The following IQGAP1 variants were observed in gnomAD, a reference collection of about 807,000 sequenced individuals.
IQGAP1 encodes ras GTPase-activating-like protein IQGAP1.
A neutral mutation model predicts 215.6 loss-of-function variants in IQGAP1; 66 were observed. The observed-to-expected ratio is 0.31, with a 90% CI of 0.25 to 0.38. The LOEUF is 0.38. Among genes scored for constraint, IQGAP1 ranks in the 10% least tolerant of loss-of-function variants. The pLI is 1.00. For synonymous variants in IQGAP1, 772 were observed against 728.7 expected, an observed-to-expected ratio of 1.06 and a Z score of -0.96; for missense variants, 1,712 against 1,997.1, an observed-to-expected ratio of 0.86 and a Z score of 2.72.
intron 2 of IQGAP1, among the ~76,000 whole-genome samples, chr15:90,420,545 G>A (rs1034795734): frequency 1.3e-5 from 2 of 152,216 alleles, no homozygotes; most frequent in African/African-American, 4.8e-5. Context: ...TGGCTGAGAT[G>A]TTTTGGGAAC....
intron 35 of IQGAP1, among the ~76,000 whole-genome samples, chr15:90,493,383 C>G (rs1046080601): frequency 6.6e-6 from 1 of 152,204 alleles, no homozygotes. Flanking sequence ...ATCACAGGCT[C>G]TGATTTTTTT....
At chr15:90,496,318 T>C (rs1215896222) in intron 36 of IQGAP1, among the ~76,000 whole-genome samples, 1 of 58,620 alleles carries the variant, frequency 1.7e-5, no homozygotes, top group African/African-American at 6.6e-5. Context: ...TTTTTTTTTT[T>C]TTTTTTTTTT....
chr15:90,479,731 AAAAG>A (rs1471166231), intron 26 of IQGAP1, among the ~76,000 whole-genome samples: 9 of 152,084 alleles, frequency 5.9e-5, no homozygotes, highest in South Asian at 2.1e-4. Context: ...GGTTGACAAA[AAAAG>A]AAAGAAGGGG....
At chr15:90,466,183 T>C in intron 16 of IQGAP1, 86 bp from the exon 17 acceptor site, 1 of 1,575,052 alleles carries the variant, frequency 6.3e-7, no homozygotes, top group South Asian at 1.1e-5. Context: ...GGGGGAACAA[T>C]TTGCCAGTAG....
intron 2 of IQGAP1, among the ~76,000 whole-genome samples, chr15:90,402,803 A>G (rs960678279): frequency 2.6e-5 from 4 of 152,210 alleles, no homozygotes; most frequent in Admixed American, 2.6e-4. Flanking sequence ...AAAACTTACA[A>G]TCATTAAAAA....
chr15:90,417,801 C>G (rs1295083183), intron 2 of IQGAP1, among the ~76,000 whole-genome samples: 9 of 152,108 alleles, frequency 5.9e-5, no homozygotes, highest in Non-Finnish European at 2.9e-5. Flanking sequence ...AATTACCTTG[C>G]TCAGTATGGC....
At chr15:90,416,195 AGT>A (rs1965045017) in intron 2 of IQGAP1, among the ~76,000 whole-genome samples, 1 of 141,784 alleles carries the variant, frequency 7.1e-6, no homozygotes, top group Non-Finnish European at 1.5e-5. Context: ...AACAGGCCCC[AGT>A]GTGTGATGTT....
chr15:90,433,407 T>C (rs183887597), intron 4 of IQGAP1, among the ~76,000 whole-genome samples: 1 of 152,332 alleles, frequency 6.6e-6, no homozygotes, highest in Non-Finnish European at 1.5e-5. Flanking sequence ...TTGGTCTTCA[T>C]ATGCCTGTGT....
At chr15:90,438,113 T>G (rs1480465063) in intron 5 of IQGAP1, among the ~76,000 whole-genome samples, 1 of 152,212 alleles carries the variant, frequency 6.6e-6, no homozygotes, top group African/African-American at 2.4e-5. Flanking sequence ...GTGTTTGTAT[T>G]TAGATGATAT....
chr15:90,472,787 C>A lies in IQGAP1; in HGVS notation c.2179-53C>A, dbSNP rs1965923557. 58 of 1,529,972 alleles carry A rather than the reference C, an allele frequency of 3.8e-5. No individual in the cohort carries two copies. In the South Asian group the frequency reaches 7.0e-4, roughly 18 times the overall value. 94.8% of individuals were successfully genotyped at this position (1,529,972 alleles called of 1,614,324 possible). On this transcript the variant is annotated intron_variant, in intron 18 of 37. Transcript: ENST00000268182. ...GCTGTGGATGATACTTCGTGAAAACCTGCATCCATTCTTGCCTGTGAATGT... is the reference window on the plus strand; with the variant it reads ...GCTGTGGATGATACTTCGTGAAAACATGCATCCATTCTTGCCTGTGAATGT...
chr15:90,408,692 G>A (rs533651877), intron 2 of IQGAP1, among the ~76,000 whole-genome samples: 2 of 152,244 alleles, frequency 1.3e-5, no homozygotes, highest in Non-Finnish European at 2.9e-5. Context: ...CTACCTTCCT[G>A]CATCGTGGCT....
intron 4 of IQGAP1, among the ~76,000 whole-genome samples, 177 bp from the exon 5 acceptor site, chr15:90,433,542 T>C (rs1228861568): frequency 1.3e-5 from 2 of 152,200 alleles, no homozygotes; most frequent in African/African-American, 2.4e-5. Flanking sequence ...GCAATTCTTA[T>C]GATGAAATGT....
chr15:90,491,618 A>G (rs1966206024), intron 34 of IQGAP1, 73 bp downstream of exon 34: 4 of 1,183,052 alleles, frequency 3.4e-6, no homozygotes, highest in East Asian at 2.4e-5. Context: ...GTAGCTGTTC[A>G]CATAACAGCA....
intron 14 of IQGAP1, among the ~76,000 whole-genome samples, chr15:90,454,911 G>T (rs1041235218): frequency 6.6e-6 from 1 of 152,182 alleles, no homozygotes; most frequent in Non-Finnish European, 1.5e-5. Flanking sequence ...AAAGCTGCAG[G>T]GTTCCCAGGC....
rs1281161088 is a variant in IQGAP1, at chr15:90,476,596, CT to C, written c.2785-64del. On this transcript the variant is annotated intron_variant, in intron 23 of 37. Transcript: ENST00000268182. ...TGTGAGTTTGCACATGCTGCAAAAC[CT>C]TTCCTCAATGCCCAGAGGTTCATCT... 120 of 1,289,282 alleles carry C rather than the reference CT, an allele frequency of 9.3e-5. No homozygotes were observed. The Admixed American group carries it at 1.9e-3, about 20-fold the overall frequency. The allele number at this position is 1,289,282 out of a possible 1,614,324, so 79.9% of individuals were successfully genotyped here. A position where few individuals can be genotyped will look rare whatever the true frequency, so the allele number is the denominator to read the frequency against.
chr15:90,473,106 T>G lies in IQGAP1; in HGVS notation c.2349+96T>G, dbSNP rs1441390707. On this transcript the variant is annotated intron_variant, in intron 19 of 37. Coordinates refer to ENST00000268182, the MANE Select transcript of IQGAP1 (RefSeq NM_003870.4). ...CCATTGACTGTCTGAGTGTGTTTTT[T>G]GAGTGCTGGACTCTTAGTCTTCTCT... 3.5e-6 allele frequency: 4 copies of G among 1,146,504 alleles called. No homozygotes were observed. In the Admixed American group the frequency reaches 5.8e-5, roughly 17 times the overall value. 71.0% of individuals were successfully genotyped at this position (1,146,504 alleles called of 1,614,324 possible).
At position 90,450,180 on chromosome 15, in the gene IQGAP1, C is replaced by T. The variant is rs921917759; in HGVS notation, c.1162+537C>T. On this transcript the variant is annotated intron_variant, in intron 11 of 37. Transcript: ENST00000268182. Reference sequence around the variant, plus strand: ...TTCCCAGCTTCTGGGAACCACCAGTCAACTCTACCTCTGTGAGATCCACTT... The same window carrying T: ...TTCCCAGCTTCTGGGAACCACCAGTTAACTCTACCTCTGTGAGATCCACTT... 2.0e-5 allele frequency among the ~76,000 whole-genome samples: 3 copies of T among 152,084 alleles called. 1 individual carries two copies. In the East Asian group the frequency reaches 5.8e-4, roughly 29 times the overall value.
intron 2 of IQGAP1, among the ~76,000 whole-genome samples, chr15:90,416,604 G>A (rs1323667535): frequency 6.7e-6 from 1 of 148,878 alleles, no homozygotes; most frequent in Non-Finnish European, 1.5e-5. Context: ...TTGAGACGGA[G>A]TCTTGCTCTG....
rs1775136465 is a variant in IQGAP1, at chr15:90,474,773, G to A, written c.2784+80G>A. 7 of 1,094,238 alleles carry A rather than the reference G, an allele frequency of 6.4e-6. No individual in the cohort carries two copies. The Admixed American group carries it at 1.3e-4, about 20-fold the overall frequency. The allele number at this position is 1,094,238 out of a possible 1,614,324, so 67.8% of individuals were successfully genotyped here. On this transcript the variant is annotated intron_variant, in intron 23 of 37. Transcript: ENST00000268182. ...CTGCATTCCCCTTTCTGACTGGTGGGGAGGGTGGAGGCTGACTTTCTCCTC... is the reference window on the plus strand; with the variant it reads ...CTGCATTCCCCTTTCTGACTGGTGGAGAGGGTGGAGGCTGACTTTCTCCTC...
Sources: allele counts gnomAD v4.1 joint callset (sites outside exome capture counted in the v4.1 genomes callset), GRCh38; gene constraint gnomAD v4.1.1; transcripts MANE v1.5; gene names NCBI Gene and HGNC (gene_info 2026-07-23, HGNC 2026-07-21).